ATRNL1: variants seen among roughly 807,000 people sequenced by gnomAD.
ATRNL1 encodes the protein attractin like 1.
Under a neutral mutation model 182.7 loss-of-function variants are expected in ATRNL1, and 95 were observed. That is an observed-to-expected ratio of 0.52 (90% CI 0.44 to 0.62). ATRNL1 has a LOEUF of 0.62. ATRNL1 is among the 20% of genes least tolerant of loss of function. The pLI is 0.00. For missense variants in ATRNL1, 1,471 were observed against 1,679.5 expected (o/e 0.88, Z 2.17); for synonymous variants, 576 against 568.3 (o/e 1.01, Z -0.19).
intron 24 of ATRNL1, among the ~76,000 whole-genome samples, chr10:115,516,300 CCTTCATTCACCTGTCATATCTAATCTTT>C (rs1850633605): frequency 1.3e-5 from 2 of 151,754 alleles, no homozygotes; most frequent in Non-Finnish European, 1.5e-5. Context: ...TGATTCTTCT[CCTTCATTCACCTGTCATATCTAATCTTT>C]CTTCATTCAC....
intron 24 of ATRNL1, among the ~76,000 whole-genome samples, chr10:115,503,287 G>A (rs901612726): frequency 3.9e-5 from 6 of 151,984 alleles, no homozygotes; most frequent in African/African-American, 1.2e-4. Flanking sequence ...AGTTACCAAA[G>A]GGAAAAGAAA....
intron 27 of ATRNL1, among the ~76,000 whole-genome samples, chr10:115,810,170 A>C (rs1180097418): frequency 6.6e-6 from 1 of 151,902 alleles, no homozygotes; most frequent in African/African-American, 2.4e-5. Flanking sequence ...TTTTTTGTGC[A>C]TGGCTAGATT....
chr10:115,131,575 G>A (rs1845238546), intron 5 of ATRNL1, among the ~76,000 whole-genome samples: 1 of 152,116 alleles, frequency 6.6e-6, no homozygotes, highest in South Asian at 2.1e-4. Context: ...TATAGAATGG[G>A]AAGGAATCAG....
In ATRNL1 at chr10:115,890,281, A is replaced by G. The variant is rs998207872; in HGVS notation, c.4018+42290A>G. On this transcript the variant is annotated intron_variant, in intron 28 of 28. Coordinates refer to ENST00000355044, the MANE Select transcript of ATRNL1 (RefSeq NM_207303.4). The stretch of plus-strand genomic sequence containing the variant: ...TAAGAATGCAACCTATTAAGCAGAG[A>G]ATGAGAAGTTGAAGGATTCCATTTT... Among the ~76,000 whole-genome samples, 5 of 152,268 alleles carry G rather than the reference A, an allele frequency of 3.3e-5. No homozygotes were observed. In the East Asian group the frequency reaches 5.8e-4, roughly 18 times the overall value.
intron 26 of ATRNL1, among the ~76,000 whole-genome samples, chr10:115,566,664 T>G (rs1427747348): frequency 1.4e-4 from 22 of 152,266 alleles, no homozygotes; most frequent in African/African-American, 5.1e-4. Context: ...TACTTTAGGT[T>G]ACTTTATCAG....
rs781843072 is a variant in ATRNL1 at position 115,268,396 on chromosome 10, A to G, written c.2052A>G (p.Gln684=). The part of the protein sequence containing the change: ...ASCTANTNGC[Q]WCDDKKCISA... ...GTACTGCCAATACAAATGGGTGCCA[A>G]TGGTGTGATGACAAGAAATGCATTT... The change falls in exon 13 of 29, where the codon CAA becomes CAG. Residue 684 remains glutamine (Q), a synonymous_variant. Transcript: ENST00000355044. 2 of 1,613,824 alleles carry G rather than the reference A, an allele frequency of 1.2e-6. No individual in the cohort carries two copies. Among genetic ancestry groups the G allele is most frequent in the Non-Finnish European group, 1.7e-6 (2 of 1,179,812 alleles).
At chr10:115,151,269 T>C (rs1241876764) in intron 5 of ATRNL1, among the ~76,000 whole-genome samples, 5 of 152,230 alleles carry the variant, frequency 3.3e-5, no homozygotes, top group Non-Finnish European at 7.3e-5. Context: ...ATGGTATTTC[T>C]AGTTCTAGAT....
chr10:115,260,272 T>G (rs1312509540), intron 10 of ATRNL1, among the ~76,000 whole-genome samples: 1 of 152,170 alleles, frequency 6.6e-6, no homozygotes, highest in Non-Finnish European at 1.5e-5. Flanking sequence ...TAAATGAAAG[T>G]ATACATACTT....
intron 10 of ATRNL1, among the ~76,000 whole-genome samples, chr10:115,248,666 G>A (rs562616656): frequency 3.9e-5 from 6 of 152,074 alleles, no homozygotes; most frequent in Non-Finnish European, 5.9e-5. Flanking sequence ...ATTCCTGAGA[G>A]AAGATACGGG....
At chr10:115,729,074 A>T (rs1947706726) in intron 27 of ATRNL1, among the ~76,000 whole-genome samples, 1 of 152,192 alleles carries the variant, frequency 6.6e-6, no homozygotes. Flanking sequence ...AAGAAAAGAA[A>T]TAAAGAACTA....
At chr10:115,833,037 G>T (rs1456819127) in intron 27 of ATRNL1, among the ~76,000 whole-genome samples, 6 of 150,372 alleles carry the variant, frequency 4.0e-5, no homozygotes, top group Admixed American at 4.0e-4. Flanking sequence ...TGTAAGAGGA[G>T]AAAAAAAAAG....
Position 115,469,225 on chromosome 10 carries a change from G to A in ATRNL1, c.3550G>A (p.Glu1184Lys). 1 of 1,463,740 alleles carries A rather than the reference G, an allele frequency of 6.8e-7. No homozygotes were observed. The highest frequency in any genetic ancestry group is 9.2e-7 in the Non-Finnish European group (1 of 1,082,444). 90.7% of individuals were successfully genotyped at this position (1,463,740 alleles called of 1,614,324 possible). A position where few individuals can be genotyped will look rare whatever the true frequency, so the allele number is the denominator to read the frequency against. Residue 1184 changes from glutamate (E) to lysine (K), a missense_variant, in exon 24 of 29, where the codon GAA (glutamate) becomes AAA (lysine). Around this residue, in one of 3 missense-constraint regions of ATRNL1, gnomAD observed 437 missense variants for 506.0 expected, o/e 0.86. Transcript: ENST00000355044. Reference protein sequence around the residue: ...TSIVSKNNIKEYRDSFSYEKF... With the variant: ...TSIVSKNNIKKYRDSFSYEKF... Reference sequence around the variant, plus strand: ...TATAGTTTCCAAGAATAATATAAAGGAATACAGAGATAGTTTTTCCTATGA... The same window carrying A: ...TATAGTTTCCAAGAATAATATAAAGAAATACAGAGATAGTTTTTCCTATGA...
chr10:115,484,814 T>G (rs1848941219), intron 24 of ATRNL1, among the ~76,000 whole-genome samples: 1 of 151,954 alleles, frequency 6.6e-6, no homozygotes, highest in Non-Finnish European at 1.5e-5. Flanking sequence ...TTTGTTTTAG[T>G]GCTTTAAATT....
chr10:115,794,291 T>C (rs917014252), intron 27 of ATRNL1, among the ~76,000 whole-genome samples: 2 of 152,160 alleles, frequency 1.3e-5, no homozygotes, highest in African/African-American at 4.8e-5. Context: ...GACACCCTTT[T>C]ATCTCCTAAT....
intron 20 of ATRNL1, among the ~76,000 whole-genome samples, chr10:115,396,977 G>C (rs1844319867): frequency 6.6e-6 from 1 of 151,786 alleles, no homozygotes; most frequent in Non-Finnish European, 1.5e-5. Flanking sequence ...GATAATAATG[G>C]AATACTAATT....
chr10:115,258,515 A>C (rs1295954302), intron 10 of ATRNL1, among the ~76,000 whole-genome samples: 1 of 151,946 alleles, frequency 6.6e-6, no homozygotes, highest in Non-Finnish European at 1.5e-5. Flanking sequence ...CCATTCGTCT[A>C]ATCTTTTTTT....
At chr10:115,307,489 T>TGA (rs1316521030) in intron 17 of ATRNL1, among the ~76,000 whole-genome samples, 8 of 152,188 alleles carry the variant, frequency 5.3e-5, no homozygotes, top group African/African-American at 1.9e-4. Context: ...CTTGAACTCC[T>TGA]GACTTCAAGT....
chr10:115,262,671 C>T (rs111901733), intron 10 of ATRNL1, among the ~76,000 whole-genome samples: 46 of 151,944 alleles, frequency 3.0e-4, no homozygotes, highest in Admixed American at 6.6e-4. Flanking sequence ...AATATTTAAT[C>T]AAGAATCCTT....
At position 115,688,924 on chromosome 10, in the gene ATRNL1, G is replaced by C. The variant is rs79568187; in HGVS notation, c.3796-38324G>C. Among the ~76,000 whole-genome samples the C allele has an allele frequency of 7.4e-3, 1,127 of 152,110 alleles. 9 individuals carry two copies. Among genetic ancestry groups the C allele is most frequent in the African/African-American group, 0.026 (1,060 of 41,488 alleles). On this transcript the variant is annotated intron_variant, in intron 26 of 28. Coordinates refer to ENST00000355044, the MANE Select transcript of ATRNL1 (RefSeq NM_207303.4). Reference sequence around the variant, plus strand: ...CTATGTTTCTTCTAGTAGTTTTATAGTTTTGGGTCTTAATTTAAGTCATTA... The same window carrying C: ...CTATGTTTCTTCTAGTAGTTTTATACTTTTGGGTCTTAATTTAAGTCATTA...
Sources: gnomAD v4.1 joint callset for allele counts (sites outside exome capture counted in the v4.1 genomes callset) on GRCh38, gnomAD v4.1.1 for gene constraint, gnomAD v4.1.1 regional missense constraint, MANE v1.5 for transcripts, NCBI Gene and HGNC (gene_info 2026-07-23, HGNC 2026-07-21) for gene names.